Variants in ATP9B observed in about 807,000 individuals in gnomAD.
ATP9B encodes the protein ATPase phospholipid transporting 9B.
ATP9B carries 110 observed loss-of-function variants against 146.1 expected under a neutral mutation model. The ratio of observed to expected loss-of-function variants is 0.75; its 90% CI spans 0.65 to 0.88. ATP9B has a LOEUF of 0.88. Among genes scored for constraint, ATP9B ranks in the 40% least tolerant of loss-of-function variants. The pLI is 0.00. For synonymous variants in ATP9B, 604 were observed against 569.7 expected (o/e 1.06, Z -0.86); for missense variants, 1,499 against 1,496.4 (o/e 1.00, Z -0.03).
intron 11 of ATP9B, among the ~76,000 whole-genome samples, chr18:79,235,531 TTTTG>T (rs2095833422): frequency 6.6e-6 from 1 of 152,198 alleles, no homozygotes. Flanking sequence ...ACTTTTTGGT[TTTTG>T]TTTTTTATAT....
chr18:79,175,622 C>T (rs1600178589), intron 7 of ATP9B, among the ~76,000 whole-genome samples: 1 of 152,228 alleles, frequency 6.6e-6, no homozygotes, highest in Admixed American at 6.5e-5. Context: ...TGTGTGCACA[C>T]AGATATGTTC....
At chr18:79,128,980 A>G (rs190429234) in intron 5 of ATP9B, among the ~76,000 whole-genome samples, 1 of 152,192 alleles carries the variant, frequency 6.6e-6, no homozygotes, top group Non-Finnish European at 1.5e-5. Flanking sequence ...AATCTTGAAG[A>G]TAATGGCCCA....
At chr18:79,355,515 C>T (rs1371297799) in intron 25 of ATP9B, among the ~76,000 whole-genome samples, 3 of 152,068 alleles carry the variant, frequency 2.0e-5, no homozygotes, top group Non-Finnish European at 4.4e-5. Flanking sequence ...AGGGAGGACG[C>T]AGTGAACTGG....
intron 11 of ATP9B, among the ~76,000 whole-genome samples, chr18:79,234,567 T>C (rs953797680): frequency 7.2e-5 from 11 of 152,000 alleles, no homozygotes; most frequent in African/African-American, 2.4e-4. Flanking sequence ...GGCGTGCTGC[T>C]GTGGGCTTGC....
intron 19 of ATP9B, among the ~76,000 whole-genome samples, chr18:79,341,170 C>T (rs538794896): frequency 6.6e-5 from 10 of 150,890 alleles, no homozygotes; most frequent in Admixed American, 2.0e-4. Context: ...GTGTTGCCGA[C>T]ACACCATTTA....
chr18:79,244,312 A>C (rs1344118042), intron 11 of ATP9B, among the ~76,000 whole-genome samples: 1 of 152,164 alleles, frequency 6.6e-6, no homozygotes, highest in African/African-American at 2.4e-5. Flanking sequence ...GAATGGTCCC[A>C]TCTATTTTTC....
intron 26 of ATP9B, among the ~76,000 whole-genome samples, chr18:79,368,077 ATGGCCCCGGGTGAGCTGGACGGCGCCG>A (rs1024122249): frequency 5.3e-5 from 8 of 151,978 alleles, no homozygotes; most frequent in East Asian, 3.9e-4. Context: ...GGAGGGCGCC[ATGGCCCCGGGTGAGCTGGACGGCGCCG>A]TGGCCCCGGG....
At chr18:79,112,630 T>A (rs1260438494) in intron 3 of ATP9B, among the ~76,000 whole-genome samples, 3 of 152,160 alleles carry the variant, frequency 2.0e-5, no homozygotes, top group Non-Finnish European at 4.4e-5. Flanking sequence ...ATTTTTAATG[T>A]TTTGAGGGAA....
chr18:79,107,095 A>G (rs475689), intron 2 of ATP9B, among the ~76,000 whole-genome samples: 20,059 of 152,224 alleles, frequency 0.13, 1,921 homozygotes, highest in African/African-American at 0.27. Context: ...GCAAAAATTC[A>G]TATCTGAGTC....
chr18:79,192,989 C>T (rs1344967936), intron 8 of ATP9B, among the ~76,000 whole-genome samples, 194 bp from the exon 9 acceptor site: 1 of 152,110 alleles, frequency 6.6e-6, no homozygotes, highest in Admixed American at 6.5e-5. Flanking sequence ...AAAAGCACAC[C>T]CTGTCAAGCT....
At chr18:79,181,608 TC>T (rs1396681785) in intron 8 of ATP9B, among the ~76,000 whole-genome samples, 1 of 152,162 alleles carries the variant, frequency 6.6e-6, no homozygotes, top group East Asian at 1.9e-4. Flanking sequence ...GCCTTTTTTT[TC>T]CTTCTGTAAC....
intron 11 of ATP9B, among the ~76,000 whole-genome samples, chr18:79,252,797 C>CT (rs58656067): frequency 0.17 from 23,042 of 137,338 alleles, 2,215 homozygotes; most frequent in African/African-American, 0.27. Flanking sequence ...CTAACTATTG[C>CT]TTTTTTTTTT....
At chr18:79,251,635 C>A (rs1416261785) in intron 11 of ATP9B, among the ~76,000 whole-genome samples, 3 of 152,172 alleles carry the variant, frequency 2.0e-5, no homozygotes, top group Non-Finnish European at 4.4e-5. Context: ...TGCTTGATAA[C>A]TGCAGGTTCT....
chr18:79,108,915 A>C (rs1293938734), intron 2 of ATP9B, among the ~76,000 whole-genome samples: 1 of 152,206 alleles, frequency 6.6e-6, no homozygotes, highest in Non-Finnish European at 1.5e-5. Flanking sequence ...TCAAATACTG[A>C]AACCTGCAAG....
At chr18:79,252,099 TC>T (rs1280358398) in intron 11 of ATP9B, among the ~76,000 whole-genome samples, 2 of 152,230 alleles carry the variant, frequency 1.3e-5, no homozygotes, top group African/African-American at 4.8e-5. Flanking sequence ...TTAAGGGTGT[TC>T]CTCAAGTCAC....
intron 28 of ATP9B, 27 bp downstream of exon 28, chr18:79,374,128 A>C (rs766122857): frequency 6.2e-7 from 1 of 1,605,448 alleles, no homozygotes; most frequent in South Asian, 1.1e-5. Context: ...TTGTTTTTTG[A>C]ATCGTTCTCT....
chr18:79,264,754 T>C (rs1322166271), intron 12 of ATP9B, among the ~76,000 whole-genome samples: 4 of 152,138 alleles, frequency 2.6e-5, no homozygotes, highest in African/African-American at 7.2e-5. Context: ...GCACCAGTTA[T>C]AGAAAAGACT....
At chr18:79,218,900 A>G (rs1052090707) in intron 11 of ATP9B, among the ~76,000 whole-genome samples, 1 of 152,208 alleles carries the variant, frequency 6.6e-6, no homozygotes, top group South Asian at 2.1e-4. Context: ...AGAATTGGAA[A>G]TACTTCATGA....
At chr18:79,100,828 A>G (rs1392341461) in intron 2 of ATP9B, among the ~76,000 whole-genome samples, 1 of 152,186 alleles carries the variant, frequency 6.6e-6, no homozygotes, top group Non-Finnish European at 1.5e-5. Context: ...GGGTGGCAGC[A>G]GGCAAAGAGA....
Sources: allele counts gnomAD v4.1 joint callset (sites outside exome capture counted in the v4.1 genomes callset), GRCh38; gene constraint gnomAD v4.1.1; transcripts MANE v1.5; gene names NCBI Gene and HGNC (gene_info 2026-07-23, HGNC 2026-07-21).